SNRNP200: variants seen among roughly 807,000 people sequenced by gnomAD.
SNRNP200 encodes the protein U5 small nuclear ribonucleoprotein 200 kDa helicase.
In SNRNP200, 66 loss-of-function variants were observed where a neutral mutation model predicts 255.2. The ratio of observed to expected loss-of-function variants is 0.26; its 90% CI spans 0.21 to 0.32. The LOEUF (loss-of-function observed/expected upper bound fraction) is 0.32, where lower values mean the gene tolerates loss of function less well. Ranked by LOEUF, SNRNP200 falls within the 10% of genes least tolerant of loss-of-function variation. The pLI is 1.00. For synonymous variants in SNRNP200, 939 were observed against 1,027.8 expected (o/e 0.91, Z 1.65); for missense variants, 1,585 against 2,749.8 (o/e 0.58, Z 9.47).
intron 9 of SNRNP200, 48 bp from the exon 10 acceptor site, chr2:96,297,768 T>C (rs897910416): frequency 1.9e-6 from 3 of 1,602,372 alleles, no homozygotes; most frequent in East Asian, 2.2e-5. Context: ...ATCAGTATCA[T>C]AGGTTCTTGT....
chr2:96,280,323 C>T (rs1684737109), intron 35 of SNRNP200, among the ~76,000 whole-genome samples: 1 of 152,022 alleles, frequency 6.6e-6, no homozygotes, highest in African/African-American at 2.4e-5. Context: ...ATGGTGAAAA[C>T]CCATCTATAC....
Position 96,287,566 on chromosome 2 carries a change from GA to G in SNRNP200, c.3366-10del. ...GACACATGGACTGCCACCTATCCAGGAAGGAGGCAAAGCTGTTGGTCCCTTC... is the reference window on the plus strand; with the variant it reads ...GACACATGGACTGCCACCTATCCAGGAGGAGGCAAAGCTGTTGGTCCCTTC... On this transcript the variant is annotated splice_polypyrimidine_tract_variant and intron_variant, in intron 25 of 44. Transcript: ENST00000323853. The surrounding 1 kb of genome is among the most constrained non-coding windows in gnomAD (Gnocchi z 5.7). 6.3e-7 allele frequency: 1 copy of G among 1,599,670 alleles called. No homozygotes were observed.
chr2:96,274,919 A>G lies in SNRNP200; in HGVS notation c.*93T>C. 3 of 1,498,054 alleles carry G rather than the reference A, an allele frequency of 2.0e-6. No individual in the cohort carries two copies. The highest frequency in any genetic ancestry group is 2.8e-6 in the Non-Finnish European group (3 of 1,080,658). 92.8% of individuals were successfully genotyped at this position (1,498,054 alleles called of 1,614,324 possible). A position where few individuals can be genotyped will look rare whatever the true frequency, so the allele number is the denominator to read the frequency against. Reference sequence around the variant, plus strand: ...CCCTGGCTGGCCAGACCTGAGGCCCACAGACCTGGTCCCCACAACCAGGAT... The same window carrying G: ...CCCTGGCTGGCCAGACCTGAGGCCCGCAGACCTGGTCCCCACAACCAGGAT... On this transcript the variant is annotated 3_prime_UTR_variant, in exon 45 of 45. Transcript: ENST00000323853.
At chr2:96,305,248 G>A in intron 1 of SNRNP200, 145 bp downstream of exon 1, 1 of 1,107,970 alleles carries the variant, frequency 9.0e-7, no homozygotes. Context: ...TCACGTCATC[G>A]TATAACCCCC....
Position 96,277,922 on chromosome 2 carries a change from T to G in SNRNP200, c.5639A>C (p.Asn1880Thr). The G allele has an allele frequency of 1.2e-6, 2 of 1,614,230 alleles. No homozygotes were observed. Among genetic ancestry groups the G allele is most frequent in the Non-Finnish European group, 1.7e-6 (2 of 1,180,044 alleles). Reference protein sequence around the residue: ...QLAQKVPHKLNNPKFNDPHVK... With the variant: ...QLAQKVPHKLTNPKFNDPHVK... ...GTGCGGATCATTGAACTTAGGGTTA[T>G]TCAGCTTGTGGGGGACCTTCTGAGC... Residue 1880 changes from asparagine (N) to threonine (T), a missense_variant, in exon 40 of 45, where the codon AAT becomes ACT. Around this residue, in one of 9 missense-constraint regions of SNRNP200, gnomAD observed 279 missense variants for 551.2 expected, o/e 0.51. Coordinates refer to ENST00000323853, the MANE Select transcript of SNRNP200 (RefSeq NM_014014.5). The surrounding 1 kb of genome is among the most constrained non-coding windows in gnomAD (Gnocchi z 4.4).
rs200546584 is a variant in SNRNP200 at position 96,293,356 on chromosome 2, G to A, written c.1996C>T (p.Arg666Cys). 1.1e-5 allele frequency: 17 copies of A among 1,614,052 alleles called. No homozygotes were observed. The highest frequency in any genetic ancestry group is 2.7e-5 in the African/African-American group (2 of 74,918). ...PNYEDVATFL[R>C]VDPAKGLFYF... ...AAGAGACCCTTGGCAGGGTCAACAC[G>A]TAGAAAGGTGGCTACATCTTCATAG... The change falls in exon 15 of 45, where the codon CGT (arginine) becomes TGT (cysteine). Residue 666 changes from arginine (R) to cysteine (C), a missense_variant. By Grantham distance (180) the Arg-to-Cys change is radical. Around this residue, in one of 9 missense-constraint regions of SNRNP200, gnomAD observed 140 missense variants for 274.9 expected, o/e 0.51. Transcript: ENST00000323853.
chr2:96,303,351 T>C (rs761433685), intron 2 of SNRNP200, 21 bp from the exon 3 acceptor site: 16 of 1,614,002 alleles, frequency 9.9e-6, no homozygotes, highest in African/African-American at 1.3e-5. Context: ...TGCAATGTGA[T>C]ATTGAATGGC....
chr2:96,285,816 C>G, intron 29 of SNRNP200, among the ~76,000 whole-genome samples: 1 of 152,182 alleles, frequency 6.6e-6, no homozygotes, highest in East Asian at 1.9e-4. Context: ...ACTGGGGAAC[C>G]CTCTATGCCT....
rs768628440 is a variant in SNRNP200 at position 96,283,669 on chromosome 2, G to C, written c.4629C>G (p.Ala1543=). ...SHTQTRLLSM[A]KPVYHAITKH... ...TGGTGATAGCATGGTACACAGGCTTGGCCATGGAGAGCAGGCGGGTTTGTG... is the reference window on the plus strand; with the variant it reads ...TGGTGATAGCATGGTACACAGGCTTCGCCATGGAGAGCAGGCGGGTTTGTG... Residue 1543 remains alanine, a synonymous_variant, in exon 33 of 45, where the codon GCC becomes GCG. Transcript: ENST00000323853. The surrounding 1 kb of genome is among the most constrained non-coding windows in gnomAD (Gnocchi z 4.7). The C allele has an allele frequency of 1.5e-5, 25 of 1,614,186 alleles. No homozygotes were observed. The highest frequency in any genetic ancestry group is 2.0e-5 in the Non-Finnish European group (24 of 1,180,036).
At position 96,290,500 on chromosome 2, in the gene SNRNP200, G is replaced by A. The variant is rs373434452; in HGVS notation, c.2568C>T (p.Ala856=). 61 of 1,614,002 alleles carry A rather than the reference G, an allele frequency of 3.8e-5. No individual in the cohort carries two copies. Among genetic ancestry groups the A allele is most frequent in the East Asian group, 1.3e-4 (6 of 44,894 alleles). ...CCTTGGTGTCATACTGGGGTCTTCC[G>A]GCACGTCCCAGCATCTAGATCAGAG... ...ALDILQMLGR[A]GRPQYDTKGE... is the part of the protein sequence containing the mutation. The change falls in exon 20 of 45, where the codon GCC becomes GCT. Residue 856 remains alanine, a synonymous_variant. Transcript: ENST00000323853. This position sits in a 1 kb window ranked among gnomAD's most constrained non-coding sequence, Gnocchi z 4.5.
Position 96,298,658 on chromosome 2 carries a change from C to T in SNRNP200, c.927G>A (p.Leu309=), listed in dbSNP as rs1340691670. The part of the protein sequence containing the change: ...DRECENQLVL[L]LGFNTFDFIK... ...TGAAATCAAAGGTGTTGAAACCAAG[C>T]AGCAGAACCAGCTGATTTTCACATT... The change falls in exon 8 of 45, where the codon CTG becomes CTA. Residue 309 remains leucine (L), a synonymous_variant. Transcript: ENST00000323853. 1 of 1,614,082 alleles carries T rather than the reference C, an allele frequency of 6.2e-7. No individual in the cohort carries two copies. The highest frequency in any genetic ancestry group is 1.3e-5 in the African/African-American group (1 of 74,926).
intron 21 of SNRNP200, 50 bp from the exon 22 acceptor site, chr2:96,289,429 C>A: frequency 6.3e-7 from 1 of 1,595,244 alleles, no homozygotes; most frequent in East Asian, 2.2e-5. Flanking sequence ...TGAGCTCCAA[C>A]CTCTAACTGT....
chr2:96,293,521 G>C lies in SNRNP200; in HGVS notation c.1843-12C>G. 1 of 1,611,168 alleles carries C rather than the reference G, an allele frequency of 6.2e-7. No homozygotes were observed. Reference sequence around the variant, plus strand: ...AGATGAATCTCATCCTACGGAATTGGAGGACAGAAATTACCTCTAGCACTA... The same window carrying C: ...AGATGAATCTCATCCTACGGAATTGCAGGACAGAAATTACCTCTAGCACTA... On this transcript the variant is annotated splice_polypyrimidine_tract_variant and intron_variant, in intron 14 of 44. Transcript: ENST00000323853.
At chr2:96,295,414 C>T in intron 14 of SNRNP200, 74 bp downstream of exon 14, 1 of 1,577,878 alleles carries the variant, frequency 6.3e-7, no homozygotes, top group Middle Eastern at 2.2e-4. Flanking sequence ...AGCAAAGAAA[C>T]ATTTCGCATG....
intron 29 of SNRNP200, 109 bp from the exon 30 acceptor site, chr2:96,285,449 C>T: frequency 9.2e-6 from 12 of 1,308,374 alleles, no homozygotes; most frequent in Non-Finnish European, 1.3e-5. Flanking sequence ...TGAAGTCAGG[C>T]AGTTCTGGAG....
At chr2:96,289,192 C>T (rs2063868336) in intron 22 of SNRNP200, 35 bp downstream of exon 22, 1 of 1,614,038 alleles carries the variant, frequency 6.2e-7, no homozygotes, top group African/African-American at 1.3e-5. Context: ...TTGGTGAGCA[C>T]CAACTCCCCG....
At position 96,286,548 on chromosome 2, in the gene SNRNP200, C is replaced by A; in HGVS notation, c.3830-64G>T. 6.2e-7 allele frequency: 1 copy of A among 1,603,242 alleles called. No individual in the cohort carries two copies. Among genetic ancestry groups the A allele is most frequent in the South Asian group, 1.1e-5 (1 of 90,596 alleles). On this transcript the variant is annotated intron_variant, in intron 28 of 44. Coordinates refer to ENST00000323853, the MANE Select transcript of SNRNP200 (RefSeq NM_014014.5). This position sits in a 1 kb window ranked among gnomAD's most constrained non-coding sequence, Gnocchi z 4.8. Reference sequence around the variant, plus strand: ...TCTTTCCCTCACTGGCCTCTAGATCCCCTCCATGAACACTGGAAACCTAGG... The same window carrying A: ...TCTTTCCCTCACTGGCCTCTAGATCACCTCCATGAACACTGGAAACCTAGG...
chr2:96,277,266 G>A lies in SNRNP200; in HGVS notation c.5932-25C>T. The A allele has an allele frequency of 6.2e-7, 1 of 1,613,614 alleles. No individual in the cohort carries two copies. The highest frequency in any genetic ancestry group is 2.2e-5 in the East Asian group (1 of 44,884). ...CCTGCAGTGAGTATTCAGACGTCAG[G>A]AAAGAGAGAACACGGGCCAACAGCA... On this transcript the variant is annotated intron_variant, in intron 41 of 44. Transcript: ENST00000323853. This position sits in a 1 kb window ranked among gnomAD's most constrained non-coding sequence, Gnocchi z 4.4.
chr2:96,305,408 T>C lies in SNRNP200; in HGVS notation c.30A>G (p.Gln10=), dbSNP rs749648270. 2.3e-5 allele frequency: 37 copies of C among 1,614,118 alleles called. No individual in the cohort carries two copies. The highest frequency in any genetic ancestry group is 3.0e-5 in the Non-Finnish European group (35 of 1,180,042). ...CCAAACGCACCGCCTTGTACTCGTA[T>C]TGCAGACTACGGGCGGTTACATCCG... is the stretch of plus-strand genomic sequence containing the variant. MADVTARSL[Q]YEYKANSNLV... is the part of the protein sequence containing the mutation. Residue 10 remains glutamine (Q), a synonymous_variant, in exon 1 of 45, where the codon CAA becomes CAG. Coordinates refer to ENST00000323853, the MANE Select transcript of SNRNP200 (RefSeq NM_014014.5).
Sources: allele counts gnomAD v4.1 joint callset (sites outside exome capture counted in the v4.1 genomes callset), GRCh38; gene constraint gnomAD v4.1.1; regional missense constraint gnomAD v4.1.1; non-coding constraint Gnocchi (gnomAD v3.1); transcripts MANE v1.5; gene names NCBI Gene and HGNC (gene_info 2026-07-23, HGNC 2026-07-21).